SOCS5: variants seen among roughly 807,000 people sequenced by gnomAD.
The protein encoded by SOCS5 is CIS-6.
In SOCS5, 32 loss-of-function variants were observed where a neutral mutation model predicts 42.8. The observed-to-expected ratio is 0.75, with a 90% CI of 0.56 to 1.01. The LOEUF is 1.01. SOCS5 is among the 50% of genes least tolerant of loss of function. The probability of loss-of-function intolerance (pLI) is 0.00; values close to 1 mark genes in which losing one functional copy is unlikely to be tolerated. For missense variants in SOCS5, 627 were observed against 653.0 expected, an observed-to-expected ratio of 0.96 and a Z score of 0.43; for synonymous variants, 283 against 229.6, an observed-to-expected ratio of 1.23 and a Z score of -2.10.
intron 1 of SOCS5, among the ~76,000 whole-genome samples, chr2:46,743,189 C>G (rs898438384): frequency 1.3e-5 from 2 of 151,984 alleles, no homozygotes; most frequent in Admixed American, 1.3e-4. Flanking sequence ...AAAGGGGTCC[C>G]GATCCAGACC....
intron 1 of SOCS5, among the ~76,000 whole-genome samples, chr2:46,736,204 G>A (rs553398550): frequency 3.5e-4 from 53 of 152,108 alleles, no homozygotes; most frequent in African/African-American, 1.2e-3. Flanking sequence ...ACCATGCCCA[G>A]CTAATTTTTA....
chr2:46,737,661 A>G lies in SOCS5; in HGVS notation c.-12-20858A>G, dbSNP rs148814472. Among the ~76,000 whole-genome samples, 41 of 152,314 alleles carry G rather than the reference A, an allele frequency of 2.7e-4. 1 individual carries two copies. The East Asian group carries it at 7.7e-3, about 29-fold the overall frequency. Reference sequence around the variant, plus strand: ...GCTTTCAGATAATTCATGCATTTACATAGAATACATATCAGTGGTTTAAAC... The same window carrying G: ...GCTTTCAGATAATTCATGCATTTACGTAGAATACATATCAGTGGTTTAAAC... On this transcript the variant is annotated intron_variant, in intron 1 of 1. Transcript: ENST00000394861.
intron 1 of SOCS5, among the ~76,000 whole-genome samples, chr2:46,755,747 G>C (rs1673718652): frequency 6.6e-6 from 1 of 152,146 alleles, no homozygotes; most frequent in East Asian, 1.9e-4. Context: ...ATCTCAAAGG[G>C]TTTCAGCTCT....
chr2:46,708,880 C>CTTTTTT (rs145238668), intron 1 of SOCS5, among the ~76,000 whole-genome samples: 5 of 63,272 alleles, frequency 7.9e-5, no homozygotes, highest in East Asian at 4.9e-4. Context: ...ATCCTGAAGC[C>CTTTTTT]TTTTTTTTTT....
chr2:46,747,075 C>T (rs1221308544), intron 1 of SOCS5, among the ~76,000 whole-genome samples: 1 of 151,948 alleles, frequency 6.6e-6, no homozygotes, highest in South Asian at 2.1e-4. Flanking sequence ...TTTCCTTGAG[C>T]AAAGATTTTA....
At chr2:46,730,446 C>G (rs920738941) in intron 1 of SOCS5, among the ~76,000 whole-genome samples, 2 of 151,820 alleles carry the variant, frequency 1.3e-5, no homozygotes, top group Admixed American at 1.3e-4. Flanking sequence ...ACTAAAAATA[C>G]AAAATTAGCC....
intron 1 of SOCS5, among the ~76,000 whole-genome samples, chr2:46,729,374 A>G (rs1232380527): frequency 2.0e-5 from 3 of 152,212 alleles, no homozygotes; most frequent in Non-Finnish European, 4.4e-5. Flanking sequence ...TCTGGGAAGT[A>G]TGTCATTAAG....
At chr2:46,707,041 C>G (rs771385169) in intron 1 of SOCS5, among the ~76,000 whole-genome samples, 2 of 152,006 alleles carry the variant, frequency 1.3e-5, no homozygotes, top group African/African-American at 2.4e-5. Context: ...ACTGATGTTC[C>G]TTTGAAGAGT....
chr2:46,703,944 G>T (rs1672402818), intron 1 of SOCS5, among the ~76,000 whole-genome samples: 1 of 152,128 alleles, frequency 6.6e-6, no homozygotes. Flanking sequence ...GGATAAATTT[G>T]CATCTTAGTG....
chr2:46,712,061 T>C (rs981303466), intron 1 of SOCS5, among the ~76,000 whole-genome samples: 4 of 152,204 alleles, frequency 2.6e-5, no homozygotes, highest in African/African-American at 9.7e-5. Context: ...TTAGGTATTG[T>C]ACATTTGCAC....
chr2:46,727,748 G>T (rs987448188), intron 1 of SOCS5, among the ~76,000 whole-genome samples: 3 of 152,160 alleles, frequency 2.0e-5, no homozygotes, highest in Non-Finnish European at 4.4e-5. Context: ...GCTCTGGGAT[G>T]AAGCCAGGAG....
rs1030313634 is a variant in SOCS5, at chr2:46,759,873, A to C, written c.1343A>C (p.His448Pro). 2 of 1,613,484 alleles carry C rather than the reference A, an allele frequency of 1.2e-6. No individual in the cohort carries two copies. The highest frequency in any genetic ancestry group is 2.7e-5 in the African/African-American group (2 of 74,692). ...GACGCCCATGACCCGTGTGTATTTC[A>C]CTCCTCCACTGTAACGGGACTTTTA... ...SFDAHDPCVF[H>P]SSTVTGLLEH... Residue 448 changes from histidine to proline, a missense_variant, in exon 2 of 2, where the codon CAC becomes CCC. Physicochemically the swap from His to Pro is moderately conservative, Grantham distance 77. Transcript: ENST00000394861.
At chr2:46,702,694 T>C (rs913366503) in intron 1 of SOCS5, among the ~76,000 whole-genome samples, 2 of 152,164 alleles carry the variant, frequency 1.3e-5, no homozygotes, top group African/African-American at 2.4e-5. Flanking sequence ...ATTTTAGTGA[T>C]AAAATGTGTG....
intron 1 of SOCS5, among the ~76,000 whole-genome samples, chr2:46,713,321 A>C (rs1027353723): frequency 2.0e-5 from 3 of 152,220 alleles, no homozygotes; most frequent in African/African-American, 4.8e-5. Context: ...ATGCCACTGC[A>C]CTCCAGGGTG....
chr2:46,718,110 TG>T (rs1672790758), intron 1 of SOCS5, among the ~76,000 whole-genome samples: 1 of 152,132 alleles, frequency 6.6e-6, no homozygotes, highest in African/African-American at 2.4e-5. Context: ...TGTGTGTGTG[TG>T]TGTGTGTTTC....
At chr2:46,739,400 C>G (rs1572842030) in intron 1 of SOCS5, among the ~76,000 whole-genome samples, 2 of 152,144 alleles carry the variant, frequency 1.3e-5, no homozygotes, top group African/African-American at 2.4e-5. Context: ...GCGAGTGCCT[C>G]CAAGTACAAG....
chr2:46,714,343 A>G (rs756200903), intron 1 of SOCS5, among the ~76,000 whole-genome samples: 2 of 152,200 alleles, frequency 1.3e-5, no homozygotes, highest in Non-Finnish European at 2.9e-5. Context: ...GTGCATGCAC[A>G]TTGGAGATTA....
chr2:46,712,438 G>T (rs1442623324), intron 1 of SOCS5, among the ~76,000 whole-genome samples: 1 of 149,002 alleles, frequency 6.7e-6, no homozygotes, highest in Non-Finnish European at 1.5e-5. Flanking sequence ...CCGCCTCCTG[G>T]GTTCAAGCGA....
intron 1 of SOCS5, among the ~76,000 whole-genome samples, chr2:46,732,151 G>T (rs17771098): frequency 0.053 from 8,136 of 152,240 alleles, 297 homozygotes; most frequent in Non-Finnish European, 0.084. Flanking sequence ...AAGAAAATGG[G>T]ATTCATGTGT....
Sources: allele counts gnomAD v4.1 joint callset (sites outside exome capture counted in the v4.1 genomes callset), GRCh38; gene constraint gnomAD v4.1.1; transcripts MANE v1.5; gene names NCBI Gene and HGNC (gene_info 2026-07-23, HGNC 2026-07-21).